The following TTLL11 variants were observed in gnomAD, a reference collection of about 807,000 sequenced individuals.
The protein encoded by TTLL11 is tubulin polyglutamylase TTLL11.
In TTLL11, 42 loss-of-function variants were observed where a neutral mutation model predicts 51.7. The observed-to-expected ratio is 0.81, with a 90% CI of 0.64 to 1.05. The LOEUF (loss-of-function observed/expected upper bound fraction) is 1.05, where lower values mean the gene tolerates loss of function less well. TTLL11 is among the 50% of genes least tolerant of loss of function. TTLL11 has a pLI of 0.00. For missense variants in TTLL11, 799 were observed against 940.4 expected (o/e 0.85, Z 1.97); for synonymous variants, 381 against 383.5 (o/e 0.99, Z 0.08).
At chr9:122,011,269 T>C (rs1843783523) in intron 3 of TTLL11, among the ~76,000 whole-genome samples, 1 of 152,180 alleles carries the variant, frequency 6.6e-6, no homozygotes. Flanking sequence ...TCTTAATAAA[T>C]TACTCAGTCT....
At chr9:121,979,340 C>T (rs1842780239) in intron 4 of TTLL11, among the ~76,000 whole-genome samples, 1 of 152,106 alleles carries the variant, frequency 6.6e-6, no homozygotes, top group Admixed American at 6.5e-5. Flanking sequence ...AGACTTTGAG[C>T]CAGAAGCAGT....
chr9:122,014,638 TA>T (rs71371913), intron 3 of TTLL11, among the ~76,000 whole-genome samples: 31,872 of 152,030 alleles, frequency 0.21, 3,679 homozygotes, highest in Non-Finnish European at 0.24. Context: ...GCTGGACATA[TA>T]AAGGGCACTT....
chr9:121,876,911 A>G (rs1838585643), intron 6 of TTLL11, among the ~76,000 whole-genome samples: 1 of 152,226 alleles, frequency 6.6e-6, no homozygotes, highest in Non-Finnish European at 1.5e-5. Flanking sequence ...GCTAAGGTCT[A>G]AGAATCACTG....
intron 6 of TTLL11, among the ~76,000 whole-genome samples, chr9:121,934,158 G>A (rs542458989): frequency 2.0e-4 from 31 of 152,120 alleles, no homozygotes; most frequent in Non-Finnish European, 2.2e-4. Flanking sequence ...GCTTGAACCC[G>A]GGAGGTGGAG....
At chr9:121,960,578 C>G (rs1055097336) in intron 6 of TTLL11, among the ~76,000 whole-genome samples, 16 of 152,126 alleles carry the variant, frequency 1.1e-4, no homozygotes, top group Admixed American at 9.8e-4. Context: ...TCCTGCACCT[C>G]ACAGAGGCTA....
At chr9:121,971,987 TGGG>T (rs1409038279) in intron 6 of TTLL11, among the ~76,000 whole-genome samples, 1 of 151,428 alleles carries the variant, frequency 6.6e-6, no homozygotes, top group African/African-American at 2.4e-5. Context: ...TGTCGGTGGG[TGGG>T]GACTAGGGGA....
rs548909364 is a variant in TTLL11, at chr9:121,958,969, A to G, written c.1481+15040T>C. Among the ~76,000 whole-genome samples the G allele has an allele frequency of 1.8e-3, 106 of 57,412 alleles. 1 individual carries two copies. Among genetic ancestry groups the G allele is most frequent in the Admixed American group, 0.017 (100 of 5,880 alleles). 37.7% of individuals were successfully genotyped at this position (57,412 alleles called of 152,430 possible). A position where few individuals can be genotyped will look rare whatever the true frequency, so the allele number is the denominator to read the frequency against. ...ATCACTCCTTCTGCCAGGCATGGGC[A>G]CCACTTTACAAGGGGGGGGGTCCAG... is the stretch of plus-strand genomic sequence containing the variant. On this transcript the variant is annotated intron_variant, in intron 6 of 8. Transcript: ENST00000321582.
intron 1 of TTLL11, among the ~76,000 whole-genome samples, chr9:122,084,171 T>C (rs1303581967): frequency 6.6e-6 from 1 of 152,070 alleles, no homozygotes; most frequent in Admixed American, 6.5e-5. Context: ...ACTGAGGAAC[T>C]TATTTGAAAA....
intron 1 of TTLL11, among the ~76,000 whole-genome samples, chr9:122,046,181 G>C (rs1844995432): frequency 6.6e-6 from 1 of 152,122 alleles, no homozygotes; most frequent in African/African-American, 2.4e-5. Context: ...AAGAGGCCTG[G>C]TGAGAGGTGA....
intron 6 of TTLL11, among the ~76,000 whole-genome samples, chr9:121,898,817 T>G (rs1839643026): frequency 6.6e-6 from 1 of 152,162 alleles, no homozygotes; most frequent in Non-Finnish European, 1.5e-5. Flanking sequence ...GGTTTAGACT[T>G]CACGCAACAC....
At position 122,031,786 on chromosome 9, in the gene TTLL11, C is replaced by T; in HGVS notation, c.630G>A (p.Glu210=). ...AVRTMQNLFP[E]EYNFYPRSWI... ...ATGAGCGAGGGTAGAAGTTGTACTC[C>T]TCAGGAAAGAGATTCTGCATGGTTC... The change falls in exon 3 of 9, where the codon GAG becomes GAA. Residue 210 remains glutamate (E), a synonymous_variant. Coordinates refer to ENST00000321582, the MANE Select transcript of TTLL11 (RefSeq NM_001139442.2). 6.2e-7 allele frequency: 1 copy of T among 1,613,910 alleles called. No homozygotes were observed. The highest frequency in any genetic ancestry group is 1.3e-5 in the African/African-American group (1 of 75,026).
At chr9:122,081,071 A>G (rs1845993309) in intron 1 of TTLL11, among the ~76,000 whole-genome samples, 2 of 152,244 alleles carry the variant, frequency 1.3e-5, no homozygotes, top group East Asian at 1.9e-4. Context: ...TTTTTAAGCA[A>G]TGTACAAGGA....
intron 1 of TTLL11, among the ~76,000 whole-genome samples, chr9:122,076,326 A>G (rs931762757): frequency 6.6e-6 from 1 of 152,198 alleles, no homozygotes; most frequent in Non-Finnish European, 1.5e-5. Flanking sequence ...TGGCCTCTGC[A>G]TGTGGTCCGG....
chr9:121,944,777 G>A (rs1841605559), intron 6 of TTLL11, among the ~76,000 whole-genome samples: 1 of 152,310 alleles, frequency 6.6e-6, no homozygotes, highest in Non-Finnish European at 1.5e-5. Flanking sequence ...CACTGGCTAT[G>A]TGACTTTAGG....
At chr9:121,899,264 G>C (rs1273105617) in intron 6 of TTLL11, among the ~76,000 whole-genome samples, 1 of 151,680 alleles carries the variant, frequency 6.6e-6, no homozygotes, top group Admixed American at 6.6e-5. Flanking sequence ...TTCTCAATAA[G>C]CCCTGCCCTA....
chr9:121,882,481 A>C (rs1838835908), intron 6 of TTLL11, among the ~76,000 whole-genome samples: 1 of 152,132 alleles, frequency 6.6e-6, no homozygotes, highest in Admixed American at 6.6e-5. Flanking sequence ...CATTCAATGA[A>C]GCTGACCACT....
intron 6 of TTLL11, among the ~76,000 whole-genome samples, chr9:121,898,665 G>A (rs1259151648): frequency 6.6e-6 from 1 of 152,184 alleles, no homozygotes; most frequent in Non-Finnish European, 1.5e-5. Context: ...CCCTGGGCAT[G>A]GCACTTAATG....
At chr9:122,018,274 G>A (rs1844054985) in intron 3 of TTLL11, among the ~76,000 whole-genome samples, 1 of 151,864 alleles carries the variant, frequency 6.6e-6, no homozygotes, top group African/African-American at 2.4e-5. Flanking sequence ...CACCACGCCT[G>A]GCTAATTTTT....
intron 6 of TTLL11, among the ~76,000 whole-genome samples, chr9:121,965,969 T>C (rs2131637140): frequency 6.6e-6 from 1 of 152,380 alleles, no homozygotes; most frequent in East Asian, 1.9e-4. Context: ...TTCTAGATTC[T>C]ACATAGAATC....
Sources: allele counts gnomAD v4.1 joint callset (sites outside exome capture counted in the v4.1 genomes callset), GRCh38; gene constraint gnomAD v4.1.1; transcripts MANE v1.5; gene names NCBI Gene and HGNC (gene_info 2026-07-23, HGNC 2026-07-21).